MEFV: variants seen among roughly 807,000 people sequenced by gnomAD.
MEFV encodes the protein MEFV innate immunity regulator, pyrin.
A neutral mutation model predicts 62.5 loss-of-function variants in MEFV; 60 were observed. The ratio of observed to expected loss-of-function variants is 0.96; its 90% CI spans 0.78 to 1.19. The LOEUF is 1.19. Among genes scored for constraint, MEFV ranks in the 50% most tolerant of loss-of-function variants. The pLI, the probability that MEFV is intolerant of heterozygous loss-of-function variation, is 0.00. For synonymous variants in MEFV, 500 were observed against 415.2 expected (o/e 1.20, Z -2.48); for missense variants, 1,169 against 1,004.5 (o/e 1.16, Z -2.21).
chr16:3,247,952 A>C (rs1372953235), intron 4 of MEFV: 1 of 149,936 alleles, frequency 6.7e-6, no homozygotes, highest in Non-Finnish European at 1.5e-5. Flanking sequence ...AAAAAAAAAA[A>C]AAACCCTAAA....
chr16:3,252,433 G>A (rs979182747), intron 2 of MEFV, among the ~76,000 whole-genome samples: 1 of 151,822 alleles, frequency 6.6e-6, no homozygotes, highest in Admixed American at 6.6e-5. Context: ...CCGCCACCAC[G>A]CCCAGCAAAT....
Position 3,256,375 on chromosome 16 carries a change from C to T in MEFV, c.213G>A (p.Leu71=), listed in dbSNP as rs2141679461. 1 of 1,614,090 alleles carries T rather than the reference C, an allele frequency of 6.2e-7. No homozygotes were observed. Among genetic ancestry groups the T allele is most frequent in the Non-Finnish European group, 8.5e-7 (1 of 1,180,030 alleles). ...YGEEYAVQLT[L]QVLRAINQRL... is the part of the protein sequence containing the mutation. ...GCTGGTTGATGGCCCGCAGGACCTG[C>T]AGGGTGAGCTGCACGGCGTACTCTT... Residue 71 remains leucine, a synonymous_variant, in exon 1 of 10, where the codon CTG becomes CTA. Coordinates refer to ENST00000219596, the MANE Select transcript of MEFV (RefSeq NM_000243.3).
At position 3,244,253 on chromosome 16, in the gene MEFV, C is replaced by A. The variant is rs876660996; in HGVS notation, c.1759+1G>T. 6.2e-7 allele frequency: 1 copy of A among 1,614,078 alleles called. No individual in the cohort carries two copies. Among genetic ancestry groups the A allele is most frequent in the Non-Finnish European group, 8.5e-7 (1 of 1,180,008 alleles). ...GCACACACCATTACCGCTGGACTCA[C>A]CATTGAACATTTCCATTTCTGAACG... On this transcript the variant is annotated splice_donor_variant, in intron 8 of 9. Transcript: ENST00000219596. LOFTEE classifies it high-confidence loss of function.
At chr16:3,256,276 A>G (rs1596359652) in intron 1 of MEFV, 35 bp downstream of exon 1, 3 of 1,609,480 alleles carry the variant, frequency 1.9e-6, no homozygotes, top group Non-Finnish European at 1.7e-6. Context: ...GCCAGCACTC[A>G]GCACTGGATG....
At position 3,250,558 on chromosome 16, in the gene MEFV, ACTC is replaced by A. The variant is rs1959016298; in HGVS notation, c.911-781_911-779del. Among the ~76,000 whole-genome samples, 3 of 151,666 alleles carry A rather than the reference ACTC, an allele frequency of 2.0e-5. No homozygotes were observed. In the South Asian group the frequency reaches 6.3e-4, roughly 32 times the overall value. The stretch of plus-strand genomic sequence containing the variant: ...TAGGAGGTTGATGCTGCACCACTGC[ACTC>A]CAGCCTGGGCAACAGAGTAAGATGC... On this transcript the variant is annotated intron_variant, in intron 2 of 9. Transcript: ENST00000219596.
chr16:3,247,353 T>A (rs1415772489), intron 4 of MEFV, 107 bp from the exon 5 acceptor site: 2 of 883,770 alleles, frequency 2.3e-6, no homozygotes, highest in African/African-American at 3.3e-5. Context: ...GAGGTGGGCT[T>A]ATGCTGCCTC....
chr16:3,243,389 G>T lies in MEFV; in HGVS notation c.2098C>A (p.Gln700Lys). ...CGGGTCGGGGGAACGCTGGACGCCT[G>T]GTACTCATTTTCCTTCATCATTATC... is the stretch of plus-strand genomic sequence containing the variant. ...VVIMMKENEYQASSVPPTRLL... is the reference protein window; with the variant it reads ...VVIMMKENEYKASSVPPTRLL... The change falls in exon 10 of 10, where the codon CAG (glutamine) becomes AAG (lysine). Residue 700 changes from glutamine (Q) to lysine (K), a missense_variant. Physicochemically the swap from Gln to Lys is moderately conservative, Grantham distance 53. Coordinates refer to ENST00000219596, the MANE Select transcript of MEFV (RefSeq NM_000243.3). 1 of 1,614,142 alleles carries T rather than the reference G, an allele frequency of 6.2e-7. No individual in the cohort carries two copies. The highest frequency in any genetic ancestry group is 1.3e-5 in the African/African-American group (1 of 75,014).
At position 3,249,858 on chromosome 16, in the gene MEFV, A is replaced by G. The variant is rs11466021; in HGVS notation, c.911-78T>C. On this transcript the variant is annotated intron_variant, in intron 2 of 9. Transcript: ENST00000219596. ...ACAGAGGTATCACAAAGCACAGCGG[A>G]CACAGCCCTTGCCTGAGATGTGCGA... 0.015 allele frequency: 17,757 copies of G among 1,179,120 alleles called. 182 individuals carry two copies. The highest frequency in any genetic ancestry group is 0.019 in the Non-Finnish European group (15,384 of 804,482). 73.0% of individuals were successfully genotyped at this position (1,179,120 alleles called of 1,614,324 possible). A position where few individuals can be genotyped will look rare whatever the true frequency, so the allele number is the denominator to read the frequency against.
chr16:3,253,422 G>T (rs569711213), intron 2 of MEFV, among the ~76,000 whole-genome samples: 2 of 152,050 alleles, frequency 1.3e-5, no homozygotes, highest in African/African-American at 2.4e-5. Context: ...GCAAGCAGAC[G>T]CCTGCAGAGG....
At chr16:3,248,885 G>T in intron 4 of MEFV, 24 bp downstream of exon 4, 2 of 1,613,010 alleles carry the variant, frequency 1.2e-6, no homozygotes, top group Non-Finnish European at 1.7e-6. Context: ...GGACGGATGG[G>T]CCATCAGCCA....
Position 3,244,480 on chromosome 16 carries a change from G to C in MEFV, c.1719C>G (p.Tyr573Ter). 6.2e-7 allele frequency: 1 copy of C among 1,613,666 alleles called. No homozygotes were observed. Among genetic ancestry groups the C allele is most frequent in the Non-Finnish European group, 8.5e-7 (1 of 1,179,634 alleles). ...TCTCCCAAGCCCATCTACCTGAGAA[G>C]TACTTTGTGCTCTTCTCCACAAACT... ...KSEFVEKSTKYFSETLRSEME... is the reference protein window; with the variant it reads ...KSEFVEKSTK The change falls in exon 7 of 10, where the codon TAC (tyrosine) becomes TAG (stop). Residue 573 changes from tyrosine (Y) to a stop codon, truncating the protein, a stop_gained. Coordinates refer to ENST00000219596, the MANE Select transcript of MEFV (RefSeq NM_000243.3). LOFTEE classifies it high-confidence loss of function.
At position 3,249,640 on chromosome 16, in the gene MEFV, C is replaced by T; in HGVS notation, c.1051G>A (p.Gly351Ser). 1 of 1,613,842 alleles carries T rather than the reference C, an allele frequency of 6.2e-7. No homozygotes were observed. The highest frequency in any genetic ancestry group is 8.5e-7 in the Non-Finnish European group (1 of 1,179,852). Reference sequence around the variant, plus strand: ...TGGGAGTCCTGGCACCGGGGGCAGCCAGGTGAGCGGCTGCCTGAGGCCTGG... The same window carrying T: ...TGGGAGTCCTGGCACCGGGGGCAGCTAGGTGAGCGGCTGCCTGAGGCCTGG... The part of the protein sequence containing the change: ...HPQASGSRSP[G>S]CPRCQDSHER... The change falls in exon 3 of 10, where the codon GGC (glycine) becomes AGC (serine). Residue 351 changes from glycine to serine, a missense_variant. By Grantham distance (56) the Gly-to-Ser change is moderately conservative (BLOSUM62 0). Transcript: ENST00000219596.
intron 2 of MEFV, among the ~76,000 whole-genome samples, chr16:3,251,023 CAA>C (rs58529756): frequency 0.045 from 2,207 of 49,236 alleles, 40 homozygotes; most frequent in African/African-American, 0.14. Context: ...GACTCCATCT[CAA>C]AAAAAAAAAA....
intron 2 of MEFV, among the ~76,000 whole-genome samples, chr16:3,251,567 A>G (rs1022670228): frequency 6.6e-6 from 1 of 152,206 alleles, no homozygotes; most frequent in African/African-American, 2.4e-5. Flanking sequence ...GGGTGTTTCT[A>G]TTATTCACAA....
intron 6 of MEFV, chr16:3,246,264 G>A (rs1024560136): frequency 1.1e-5 from 6 of 551,416 alleles, no homozygotes; most frequent in African/African-American, 7.6e-5. Context: ...TTCTTAGGGA[G>A]CCTCCATCTT....
At position 3,250,791 on chromosome 16, in the gene MEFV, C is replaced by T. The variant is rs541679807; in HGVS notation, c.911-1011G>A. On this transcript the variant is annotated intron_variant, in intron 2 of 9. Coordinates refer to ENST00000219596, the MANE Select transcript of MEFV (RefSeq NM_000243.3). ...CTGTAATCCCAGCACTTTGGGAGGC[C>T]GAGGCGGGTGGGTCATGAGGTCAGG... is the stretch of plus-strand genomic sequence containing the variant. Among the ~76,000 whole-genome samples the T allele has an allele frequency of 1.1e-4, 16 of 151,076 alleles. 1 individual carries two copies. Among genetic ancestry groups the T allele is most frequent in the South Asian group, 6.3e-4 (3 of 4,762 alleles).
rs563470459 is a variant in MEFV, at chr16:3,254,305, C to T, written c.763G>A (p.Ala255Thr). 2.9e-5 allele frequency: 47 copies of T among 1,614,228 alleles called. No homozygotes were observed. Among genetic ancestry groups the T allele is most frequent in the Non-Finnish European group, 3.7e-5 (44 of 1,180,042 alleles). ...AGAGTCAGGAGAATTTCTGGATTTG[C>T]GGGCGCCTTCTCCCCTGTAGAAATG... is the stretch of plus-strand genomic sequence containing the variant. Reference protein sequence around the residue: ...VTISTGEKAPANPEILLTLEE... With the variant: ...VTISTGEKAPTNPEILLTLEE... Residue 255 changes from alanine to threonine, a missense_variant, in exon 2 of 10, where the codon GCA (alanine) becomes ACA (threonine). Coordinates refer to ENST00000219596, the MANE Select transcript of MEFV (RefSeq NM_000243.3).
chr16:3,254,487 A>C lies in MEFV; in HGVS notation c.581T>G (p.Leu194Arg). ...CCGGACCTCGGCCTGGCCCCCCTCTAGCGCCCTGCAGGGGCCGGGGCTTCT... is the reference window on the plus strand; with the variant it reads ...CCGGACCTCGGCCTGGCCCCCCTCTCGCGCCCTGCAGGGGCCGGGGCTTCT... ...GGRSPGPCRALEGGQAEVRLR... is the reference protein window; with the variant it reads ...GGRSPGPCRAREGGQAEVRLR... Residue 194 changes from leucine (L) to arginine (R), a missense_variant, in exon 2 of 10, where the codon CTA becomes CGA. Coordinates refer to ENST00000219596, the MANE Select transcript of MEFV (RefSeq NM_000243.3). 1 of 1,583,566 alleles carries C rather than the reference A, an allele frequency of 6.3e-7. No individual in the cohort carries two copies. The highest frequency in any genetic ancestry group is 8.6e-7 in the Non-Finnish European group (1 of 1,167,450).
chr16:3,247,095 G>C lies in MEFV; in HGVS notation c.1508C>G (p.Ser503Cys), dbSNP rs190705322. 558 of 1,614,192 alleles carry C rather than the reference G, an allele frequency of 3.5e-4. 6 individuals carry two copies. In the East Asian group the frequency reaches 0.012, roughly 35 times the overall value. Residue 503 changes from serine (S) to cysteine (C), a missense_variant, in exon 5 of 10, where the codon TCC becomes TGC. By Grantham distance (112) the Ser-to-Cys change is moderately radical. Coordinates refer to ENST00000219596, the MANE Select transcript of MEFV (RefSeq NM_000243.3). ...CGCATCGAGCAGGGCGATGTCCTGG[G>C]ATACGCGGGTGTCATATGCCTTCCT... Reference protein sequence around the residue: ...QIRKAYDTRVSQDIALLDALI... With the variant: ...QIRKAYDTRVCQDIALLDALI...
Sources: allele counts gnomAD v4.1 joint callset (sites outside exome capture counted in the v4.1 genomes callset), GRCh38; gene constraint gnomAD v4.1.1; transcripts MANE v1.5; gene names NCBI Gene and HGNC (gene_info 2026-07-23, HGNC 2026-07-21).